Variants in PVALEF observed in about 807,000 individuals in gnomAD.
PVALEF encodes the protein parvalbumin like EF-hand containing, also known as parvalbumin-like EF-hand-containing protein.
In PVALEF, 2 loss-of-function variants were observed where a neutral mutation model predicts 1.2. The ratio of observed to expected loss-of-function variants is 1.68; its 90% CI spans 0.69 to 5.28. PVALEF has a LOEUF of 5.28. Ranked by LOEUF, PVALEF falls within the 30% of genes most tolerant of loss-of-function variation. PVALEF has a pLI of 0.06. For synonymous variants in PVALEF, 16 were observed against 6.5 expected (o/e 2.47, Z -2.24); for missense variants, 35 against 17.7 (o/e 1.97, Z -1.75).
chr17:81,176,676 T>G (rs1409505012), intron 2 of PVALEF, among the ~76,000 whole-genome samples: 1 of 151,400 alleles, frequency 6.6e-6, no homozygotes, highest in Non-Finnish European at 1.5e-5. Context: ...TGGAAAACAG[T>G]GCAGCTGCCG....
intron 2 of PVALEF, among the ~76,000 whole-genome samples, chr17:81,177,984 G>A (rs1167981697): frequency 2.6e-5 from 4 of 152,086 alleles, no homozygotes; most frequent in Non-Finnish European, 4.4e-5. Flanking sequence ...CCTGATGTCC[G>A]ACCTGAGGCT....
intron 2 of PVALEF, among the ~76,000 whole-genome samples, chr17:81,177,270 G>A (rs892392841): frequency 3.5e-5 from 5 of 144,886 alleles, no homozygotes; most frequent in Non-Finnish European, 4.5e-5. Context: ...AAAGGCAGCC[G>A]GGTACAGTGG....
At chr17:81,169,734 G>C (rs140462318) in intron 2 of PVALEF, among the ~76,000 whole-genome samples, 3 of 143,096 alleles carry the variant, frequency 2.1e-5, no homozygotes, top group African/African-American at 7.6e-5. Flanking sequence ...AGTCGTGTGC[G>C]TGTGTGTGTA....
intron 1 of PVALEF, chr17:81,166,041 A>ACGCCCG: frequency 7.1e-7 from 1 of 1,407,920 alleles, no homozygotes; most frequent in African/African-American, 1.5e-5. Context: ...TGCGCTCAGG[A>ACGCCCG]CGCCCGCGGC....
intron 2 of PVALEF, among the ~76,000 whole-genome samples, chr17:81,178,228 A>T (rs1375534300): frequency 6.6e-6 from 1 of 152,130 alleles, no homozygotes; most frequent in African/African-American, 2.4e-5. Context: ...CTCCAACATG[A>T]GCAGAGGCTA....
At chr17:81,177,906 A>G (rs2061540954) in intron 2 of PVALEF, among the ~76,000 whole-genome samples, 1 of 152,230 alleles carries the variant, frequency 6.6e-6, no homozygotes, top group African/African-American at 2.4e-5. Context: ...GGGAGGGCTC[A>G]GCCCTTTGGG....
rs2061553064 is a variant in PVALEF at position 81,181,298 on chromosome 17, C to T, written c.72C>T (p.Asp24=). ...TGGGCACGTCCCTATCAGACAAGGA[C>T]ATTGAGCTGCTGCCCACAGACATGA... is the stretch of plus-strand genomic sequence containing the variant. ...LAMGTSLSDK[D]IELLPTDMRH... Residue 24 remains aspartate, a synonymous_variant, in exon 4 of 7, where the codon GAC becomes GAT. Transcript: ENST00000637878. 1.4e-6 allele frequency: 1 copy of T among 697,518 alleles called. No homozygotes were observed. The highest frequency in any genetic ancestry group is 2.0e-5 in the Admixed American group (1 of 49,362). 43.2% of individuals were successfully genotyped at this position (697,518 alleles called of 1,614,324 possible).
rs2061482022 is a variant in PVALEF, at chr17:81,165,814, G to A, written c.-508+67G>A. The A allele has an allele frequency of 3.3e-6, 5 of 1,503,644 alleles. No homozygotes were observed. In the East Asian group the frequency reaches 7.7e-5, roughly 23 times the overall value. 93.1% of individuals were successfully genotyped at this position (1,503,644 alleles called of 1,614,324 possible). A position where few individuals can be genotyped will look rare whatever the true frequency, so the allele number is the denominator to read the frequency against. The stretch of plus-strand genomic sequence containing the variant: ...GCCGCCAGGGGGTCCGGCTGCTTCT[G>A]CTGCTGGGCTCGGGGCGGGGAAAGG... On this transcript the variant is annotated intron_variant, in intron 1 of 6. Transcript: ENST00000637878.
At chr17:81,171,494 A>G (rs2061520347) in intron 2 of PVALEF, among the ~76,000 whole-genome samples, 1 of 151,894 alleles carries the variant, frequency 6.6e-6, no homozygotes, top group Admixed American at 6.6e-5. Flanking sequence ...CCCACTCCAC[A>G]TATTTCCTTT....
chr17:81,165,938 C>G, intron 1 of PVALEF, 191 bp downstream of exon 1: 1 of 1,580,202 alleles, frequency 6.3e-7, no homozygotes, highest in Non-Finnish European at 8.6e-7. Flanking sequence ...AGGGACTCAC[C>G]GGGGTCGAAG....
chr17:81,170,080 A>G (rs1015523257), intron 2 of PVALEF, among the ~76,000 whole-genome samples: 4 of 139,638 alleles, frequency 2.9e-5, no homozygotes, highest in South Asian at 2.3e-4. Flanking sequence ...GTGTGTGCAT[A>G]TGTGTAGGTG....
intron 2 of PVALEF, among the ~76,000 whole-genome samples, chr17:81,171,427 T>C (rs986827318): frequency 6.6e-6 from 1 of 152,234 alleles, no homozygotes; most frequent in Non-Finnish European, 1.5e-5. Context: ...CTGCTCACAC[T>C]GCAGATGCTT....
intron 2 of PVALEF, among the ~76,000 whole-genome samples, chr17:81,178,028 C>T (rs1304158476): frequency 6.6e-6 from 1 of 152,138 alleles, no homozygotes; most frequent in African/African-American, 2.4e-5. Context: ...CTGGCTGGGA[C>T]GGGTGTAGAC....
rs117897794 is a variant in PVALEF at position 81,179,203 on chromosome 17, C to T, written c.-105+51C>T. The T allele has an allele frequency of 1.2e-4, 34 of 287,226 alleles. No individual in the cohort carries two copies. The East Asian group carries it at 2.6e-3, about 22-fold the overall frequency. The allele number at this position is 287,226 out of a possible 1,614,324, so 17.8% of individuals were successfully genotyped here. On this transcript the variant is annotated intron_variant, in intron 3 of 6. Transcript: ENST00000637878. ...TGGGTCTCTGGCCGCTGAGGTTATCCGAGCTGGATGGTGGGAACTTGGAGG... is the reference window on the plus strand; with the variant it reads ...TGGGTCTCTGGCCGCTGAGGTTATCTGAGCTGGATGGTGGGAACTTGGAGG...
In PVALEF at chr17:81,165,860, G is replaced by A. The variant is rs986989034; in HGVS notation, c.-508+113G>A. On this transcript the variant is annotated intron_variant, in intron 1 of 6. Coordinates refer to ENST00000637878, the MANE Select transcript of PVALEF (RefSeq NM_001354639.2). ...AAAGGGTTAATTTCCATGCAAACCG[G>A]GAGCCGTGGGGCCCAGGGGCATCAC... is the stretch of plus-strand genomic sequence containing the variant. The A allele has an allele frequency of 1.1e-5, 17 of 1,534,054 alleles. 1 individual carries two copies. The South Asian group carries it at 1.7e-4, about 15-fold the overall frequency.
chr17:81,180,450 A>G (rs924683052), intron 3 of PVALEF, among the ~76,000 whole-genome samples: 1 of 152,080 alleles, frequency 6.6e-6, no homozygotes, highest in Non-Finnish European at 1.5e-5. Flanking sequence ...CCTGCCCCAC[A>G]TGCCCGCTCA....
At chr17:81,178,454 C>T (rs559197010) in intron 2 of PVALEF, among the ~76,000 whole-genome samples, 3 of 152,198 alleles carry the variant, frequency 2.0e-5, no homozygotes, top group Non-Finnish European at 4.4e-5. Flanking sequence ...TCACCTTGGC[C>T]CTCCCTGCTC....
intron 2 of PVALEF, among the ~76,000 whole-genome samples, chr17:81,168,719 G>A (rs9911980): frequency 2.6e-5 from 4 of 152,062 alleles, no homozygotes; most frequent in East Asian, 3.9e-4. Flanking sequence ...ATTGCCCGTC[G>A]AAGAGGAAAA....
intron 3 of PVALEF, 46 bp from the exon 4 acceptor site, chr17:81,181,077 G>T (rs1437872015): frequency 1.8e-6 from 1 of 567,054 alleles, no homozygotes; most frequent in Admixed American, 2.9e-5. Context: ...CGGGGCCCTG[G>T]CATGACCCCA....
Sources: allele counts gnomAD v4.1 joint callset (sites outside exome capture counted in the v4.1 genomes callset), GRCh38; gene constraint gnomAD v4.1.1; transcripts MANE v1.5; gene names NCBI Gene and HGNC (gene_info 2026-07-23, HGNC 2026-07-21).